The following LARGE1 variants were observed in gnomAD, a reference collection of about 807,000 sequenced individuals.
The protein encoded by LARGE1 is LARGE xylosyl- and glucuronyltransferase 1, also known as xylosyl- and glucuronyltransferase LARGE1.
In LARGE1, 43 loss-of-function variants were observed where a neutral mutation model predicts 87.6. That is an observed-to-expected ratio of 0.49 (90% CI 0.38 to 0.63). The LOEUF is 0.63. Ranked by LOEUF, LARGE1 falls within the 30% of genes least tolerant of loss-of-function variation. LARGE1 has a pLI of 0.00. For missense variants in LARGE1, 802 were observed against 1,000.2 expected (o/e 0.80, Z 2.67); for synonymous variants, 434 against 394.6 (o/e 1.10, Z -1.18).
At chr22:33,557,889 G>A (rs961817701) in intron 6 of LARGE1, among the ~76,000 whole-genome samples, 7 of 152,010 alleles carry the variant, frequency 4.6e-5, no homozygotes, top group Non-Finnish European at 5.9e-5. Flanking sequence ...TAAAGGCCCC[G>A]TACAGATTAA....
At chr22:33,339,393 T>C (rs1225146453) in intron 9 of LARGE1, among the ~76,000 whole-genome samples, 2 of 151,588 alleles carry the variant, frequency 1.3e-5, no homozygotes, top group Non-Finnish European at 2.9e-5. Context: ...AAAATGTTGG[T>C]AGTGGCGTCG....
intron 4 of LARGE1, among the ~76,000 whole-genome samples, chr22:33,606,418 A>AAAATGAAATG (rs1174834344): frequency 2.1e-5 from 1 of 47,480 alleles, no homozygotes; most frequent in Non-Finnish European, 3.8e-5. Flanking sequence ...ATAAATAAAT[A>AAAATGAAATG]AAATAAAATG....
chr22:33,915,430 G>A (rs1253942735), intron 1 of LARGE1, among the ~76,000 whole-genome samples: 1 of 148,486 alleles, frequency 6.7e-6, no homozygotes, highest in African/African-American at 2.5e-5. Flanking sequence ...TCACCTAAGT[G>A]TTTTTTTTTT....
intron 12 of LARGE1, among the ~76,000 whole-genome samples, chr22:33,295,243 A>G (rs1933080386): frequency 6.6e-6 from 1 of 152,192 alleles, no homozygotes; most frequent in Non-Finnish European, 1.5e-5. Flanking sequence ...ATTCCTGGCA[A>G]GGTGTGTGGG....
chr22:33,357,257 G>T (rs1940980504), intron 9 of LARGE1, among the ~76,000 whole-genome samples: 1 of 151,834 alleles, frequency 6.6e-6, no homozygotes, highest in African/African-American at 2.4e-5. Flanking sequence ...GAAACAGAAA[G>T]CTAAATAACT....
chr22:33,509,028 C>T (rs1354859015), intron 6 of LARGE1, among the ~76,000 whole-genome samples: 3 of 152,192 alleles, frequency 2.0e-5, no homozygotes, highest in Non-Finnish European at 2.9e-5. Flanking sequence ...TATATATTTG[C>T]TTGGGGAGTG....
At chr22:33,614,875 G>C (rs991738321) in intron 4 of LARGE1, among the ~76,000 whole-genome samples, 2 of 152,098 alleles carry the variant, frequency 1.3e-5, no homozygotes, top group African/African-American at 4.8e-5. Flanking sequence ...CCAGCGCTTA[G>C]AGAGCATCTA....
In LARGE1 at chr22:33,761,414, G is replaced by T. The variant is rs759218415; in HGVS notation, c.63C>A (p.Ile21=). 3.7e-6 allele frequency: 6 copies of T among 1,613,806 alleles called. No homozygotes were observed. In the Admixed American group the frequency reaches 5.0e-5, roughly 13 times the overall value. The change falls in exon 2 of 15, where the codon ATC becomes ATA. Residue 21 remains isoleucine, a synonymous_variant. Coordinates refer to ENST00000397394, the MANE Select transcript of LARGE1 (RefSeq NM_133642.5). ...ACAGGTAAATCCAGGTGATGGCTGG[G>T]ATGCAGAGAAGACTCAACGAGGCAG... ...FLAASLSLLC[I]PAITWIYLFS...
intron 6 of LARGE1, among the ~76,000 whole-genome samples, chr22:33,458,426 A>AATTTTTAT (rs2147987754): frequency 1.3e-5 from 2 of 149,392 alleles, no homozygotes; most frequent in South Asian, 4.2e-4. Flanking sequence ...TTTTACTGTT[A>AATTTTTAT]TTTTTTATTT....
chr22:33,695,950 T>C (rs2082230445), intron 2 of LARGE1, among the ~76,000 whole-genome samples: 1 of 152,200 alleles, frequency 6.6e-6, no homozygotes, highest in Non-Finnish European at 1.5e-5. Flanking sequence ...TGGTTCTTCC[T>C]GTCCCCAAAC....
chr22:33,833,883 C>T (rs1242233267), intron 1 of LARGE1, among the ~76,000 whole-genome samples: 2 of 152,104 alleles, frequency 1.3e-5, no homozygotes, highest in Non-Finnish European at 2.9e-5. Flanking sequence ...GACGAGGTTT[C>T]ACTATGTTGG....
intron 11 of LARGE1, among the ~76,000 whole-genome samples, chr22:33,220,854 G>A (rs193047421): frequency 4.6e-5 from 7 of 152,188 alleles, no homozygotes; most frequent in African/African-American, 1.2e-4. Context: ...GCACTCTCTC[G>A]GATAAACAGT....
At chr22:33,895,926 A>G (rs1439279085) in intron 1 of LARGE1, among the ~76,000 whole-genome samples, 2 of 151,964 alleles carry the variant, frequency 1.3e-5, no homozygotes, top group African/African-American at 4.8e-5. Flanking sequence ...CACCGTAGTA[A>G]AATACACATC....
chr22:33,383,060 A>G (rs965686160), intron 8 of LARGE1, among the ~76,000 whole-genome samples: 12 of 152,332 alleles, frequency 7.9e-5, no homozygotes, highest in Non-Finnish European at 1.5e-4. Context: ...ACTTTGAACA[A>G]AAACATGCAG....
chr22:33,141,529 A>C, the LARGE1 span, among the ~76,000 whole-genome samples: 5 of 151,982 alleles, frequency 3.3e-5, no homozygotes, highest in African/African-American at 7.2e-5. Flanking sequence ...TATAAAATAC[A>C]TATAATTTAT....
intron 6 of LARGE1, among the ~76,000 whole-genome samples, chr22:33,453,869 T>A (rs185401981): frequency 1.3e-5 from 2 of 152,358 alleles, no homozygotes; most frequent in African/African-American, 4.8e-5. Flanking sequence ...TACTGCATTT[T>A]GAACATCTAC....
chr22:33,516,945 G>C (rs956680299), intron 6 of LARGE1, among the ~76,000 whole-genome samples: 2 of 152,148 alleles, frequency 1.3e-5, no homozygotes, highest in Non-Finnish European at 2.9e-5. Flanking sequence ...GTACTCAAGG[G>C]AACACATCAT....
the LARGE1 span, among the ~76,000 whole-genome samples, chr22:33,086,540 G>A: frequency 3.4e-5 from 5 of 145,078 alleles, no homozygotes; most frequent in Non-Finnish European, 6.0e-5. Context: ...CATAATTGAA[G>A]TTCTTCTACT....
intron 1 of LARGE1, among the ~76,000 whole-genome samples, chr22:33,882,119 C>T (rs1479869013): frequency 3.3e-5 from 5 of 151,462 alleles, no homozygotes; most frequent in East Asian, 1.9e-4. Flanking sequence ...CTCGGCTCAC[C>T]GCAAGCTCCG....
Sources: allele counts gnomAD v4.1 joint callset (sites outside exome capture counted in the v4.1 genomes callset), GRCh38; gene constraint gnomAD v4.1.1; transcripts MANE v1.5; gene names NCBI Gene and HGNC (gene_info 2026-07-23, HGNC 2026-07-21).